PRKCB: variants seen among roughly 807,000 people sequenced by gnomAD.
PRKCB encodes the protein protein kinase C beta type.
In PRKCB, 13 loss-of-function variants were observed where a neutral mutation model predicts 81.5. The ratio of observed to expected loss-of-function variants is 0.16; its 90% CI spans 0.10 to 0.25. The LOEUF (loss-of-function observed/expected upper bound fraction) is 0.25, where lower values mean the gene tolerates loss of function less well. Ranked by LOEUF, PRKCB falls within the 10% of genes least tolerant of loss-of-function variation. The pLI is 1.00. For synonymous variants in PRKCB, 335 were observed against 321.4 expected, an observed-to-expected ratio of 1.04 and a Z score of -0.45; for missense variants, 509 against 875.7, an observed-to-expected ratio of 0.58 and a Z score of 5.29.
At chr16:24,182,873 T>TTGTGTGTGTGTGTGTGTGTGTGTGTGTG (rs10524225) in intron 13 of PRKCB, among the ~76,000 whole-genome samples, 3,165 of 133,440 alleles carry the variant, frequency 0.024, 120 homozygotes, top group East Asian at 0.068. Context: ...ACATTGTTTC[T>TTGTGTGTGTGTGTGTGTGTGTGTGTGTG]TGTGTGTGTG....
chr16:24,202,161 A>G (rs568002727), intron 16 of PRKCB, among the ~76,000 whole-genome samples: 4 of 150,952 alleles, frequency 2.6e-5, no homozygotes, highest in Admixed American at 6.6e-5. Flanking sequence ...TCCTTTGTGC[A>G]TAAACCTGCT....
At chr16:24,025,370 C>T (rs1965464418) in intron 3 of PRKCB, among the ~76,000 whole-genome samples, 1 of 152,170 alleles carries the variant, frequency 6.6e-6, no homozygotes, top group Admixed American at 6.5e-5. Context: ...GTAGTATGTA[C>T]TTTATAGGGC....
At chr16:23,943,790 T>C (rs189645639) in intron 2 of PRKCB, among the ~76,000 whole-genome samples, 29 of 152,194 alleles carry the variant, frequency 1.9e-4, no homozygotes, top group African/African-American at 6.8e-4. Flanking sequence ...GTTTCACAGA[T>C]ACCATCAAGC....
intron 3 of PRKCB, among the ~76,000 whole-genome samples, chr16:24,004,522 G>A (rs1965090275): frequency 6.6e-6 from 1 of 151,564 alleles, no homozygotes; most frequent in Non-Finnish European, 1.5e-5. Flanking sequence ...AGGCATGGTG[G>A]CATGCACCTG....
intron 2 of PRKCB, among the ~76,000 whole-genome samples, chr16:23,907,749 G>A (rs1052785074): frequency 1.3e-5 from 2 of 152,080 alleles, no homozygotes; most frequent in East Asian, 1.9e-4. Flanking sequence ...GAACCATACC[G>A]GTCGACTCCG....
intron 5 of PRKCB, among the ~76,000 whole-genome samples, chr16:24,065,251 C>T (rs1966018521): frequency 2.6e-5 from 4 of 151,336 alleles, no homozygotes; most frequent in African/African-American, 7.3e-5. Context: ...TATGATTTTT[C>T]GTTTGTCCCA....
intron 2 of PRKCB, among the ~76,000 whole-genome samples, chr16:23,932,937 G>A (rs1190079254): frequency 2.0e-5 from 3 of 152,184 alleles, no homozygotes; most frequent in Non-Finnish European, 4.4e-5. Context: ...AATCTTTCTG[G>A]AGGGAGAATT....
At chr16:24,129,520 C>CATCTATCT (rs138115366) in intron 9 of PRKCB, among the ~76,000 whole-genome samples, 3,995 of 151,276 alleles carry the variant, frequency 0.026, 139 homozygotes, top group African/African-American at 0.079. Context: ...CATGCACGTG[C>CATCTATCT]ATCTATCTAT....
chr16:24,133,744 C>G (rs1238867286), intron 9 of PRKCB, among the ~76,000 whole-genome samples: 2 of 152,136 alleles, frequency 1.3e-5, no homozygotes, highest in Non-Finnish European at 2.9e-5. Context: ...GATAATCACT[C>G]TATTATATCA....
At chr16:23,870,284 T>G (rs1008159678) in intron 2 of PRKCB, among the ~76,000 whole-genome samples, 6 of 152,202 alleles carry the variant, frequency 3.9e-5, no homozygotes, top group African/African-American at 1.4e-4. Context: ...CATATAAAAT[T>G]CTTTCAGATA....
chr16:24,090,452 G>A (rs1318962634), intron 5 of PRKCB, among the ~76,000 whole-genome samples: 2 of 152,140 alleles, frequency 1.3e-5, no homozygotes, highest in Non-Finnish European at 2.9e-5. Context: ...AAAGGACAGA[G>A]TAAGAAAGGA....
chr16:24,037,802 C>T (rs1239008310), intron 5 of PRKCB, among the ~76,000 whole-genome samples: 3 of 151,342 alleles, frequency 2.0e-5, no homozygotes, highest in Non-Finnish European at 2.9e-5. Context: ...GAGGTGTATC[C>T]ATTTGCTGTG....
intron 2 of PRKCB, among the ~76,000 whole-genome samples, chr16:23,937,585 T>C (rs1276569079): frequency 6.6e-6 from 1 of 152,136 alleles, no homozygotes; most frequent in African/African-American, 2.4e-5. Context: ...AAATATCCAT[T>C]AACTCAAAGG....
intron 9 of PRKCB, among the ~76,000 whole-genome samples, chr16:24,142,216 C>T (rs1241504213): frequency 6.6e-6 from 1 of 152,326 alleles, no homozygotes; most frequent in Non-Finnish European, 1.5e-5. Flanking sequence ...AAAGTCTGAA[C>T]TTGAACCTTC....
intron 5 of PRKCB, among the ~76,000 whole-genome samples, chr16:24,086,644 A>G (rs1461379845): frequency 2.0e-5 from 3 of 152,246 alleles, no homozygotes; most frequent in Non-Finnish European, 4.4e-5. Flanking sequence ...CTGAATTTGT[A>G]AATTGTTTTA....
Position 23,862,101 on chromosome 16 carries a change from A to G in PRKCB, c.205+24695A>G, listed in dbSNP as rs182937901. On this transcript the variant is annotated intron_variant, in intron 2 of 16. Coordinates refer to ENST00000643927, the MANE Select transcript of PRKCB (RefSeq NM_002738.7). ...TTTTTTGTATGTCGGGTAATTTTGG[A>G]TTGTATCCTGGACACTGTAAGTGTT... Among the ~76,000 whole-genome samples, 272 of 151,850 alleles carry G rather than the reference A, an allele frequency of 1.8e-3. 4 individuals carry two copies. The South Asian group carries it at 0.026, about 14-fold the overall frequency.
intron 7 of PRKCB, among the ~76,000 whole-genome samples, chr16:24,107,561 C>T (rs950162440): frequency 1.3e-5 from 2 of 152,194 alleles, no homozygotes; most frequent in Non-Finnish European, 2.9e-5. Context: ...CCATCTTCCT[C>T]ACGTTGGTTC....
intron 2 of PRKCB, among the ~76,000 whole-genome samples, chr16:23,875,506 T>TATA (rs1567298316): frequency 3.6e-5 from 1 of 27,810 alleles, no homozygotes; most frequent in Non-Finnish European, 6.3e-5. Flanking sequence ...TATATATATA[T>TATA]GATGTATATC....
intron 16 of PRKCB, among the ~76,000 whole-genome samples, chr16:24,207,016 A>T (rs1304364657): frequency 6.6e-6 from 1 of 152,160 alleles, no homozygotes; most frequent in Non-Finnish European, 1.5e-5. Context: ...CTGCAGTCTA[A>T]ACCTCCTGGG....
Sources: allele counts gnomAD v4.1 joint callset (sites outside exome capture counted in the v4.1 genomes callset), GRCh38; gene constraint gnomAD v4.1.1; transcripts MANE v1.5; gene names NCBI Gene and HGNC (gene_info 2026-07-23, HGNC 2026-07-21).